TXK: variants seen among roughly 807,000 people sequenced by gnomAD.
TXK encodes the protein TXK tyrosine kinase, also known as tyrosine-protein kinase TXK.
TXK carries 60 observed loss-of-function variants against 81.0 expected under a neutral mutation model. The observed-to-expected ratio is 0.74, with a 90% CI of 0.60 to 0.92. The LOEUF is 0.92. Among genes scored for constraint, TXK ranks in the 40% least tolerant of loss-of-function variants. TXK has a pLI of 0.00. For synonymous variants in TXK, 203 were observed against 210.7 expected (o/e 0.96, Z 0.32); for missense variants, 581 against 638.3 (o/e 0.91, Z 0.97).
intron 2 of TXK, among the ~76,000 whole-genome samples, chr4:48,113,699 G>A: frequency 6.6e-6 from 1 of 152,072 alleles, no homozygotes; most frequent in Middle Eastern, 3.2e-3. Flanking sequence ...AATAGACATG[G>A]TATAGTGATT....
chr4:48,098,156 G>A (rs868645105), intron 6 of TXK, among the ~76,000 whole-genome samples: 2 of 152,060 alleles, frequency 1.3e-5, no homozygotes, highest in African/African-American at 4.8e-5. Flanking sequence ...GACATGAAAA[G>A]AAGAAAAACT....
chr4:48,097,422 C>CTT (rs4031383), intron 6 of TXK, among the ~76,000 whole-genome samples: 78,240 of 141,698 alleles, frequency 0.55, 22,649 homozygotes, highest in Admixed American at 0.65. Flanking sequence ...AAAGCTACCA[C>CTT]TTTTTTTTTT....
chr4:48,122,369 A>G (rs1718983671), intron 1 of TXK, among the ~76,000 whole-genome samples: 1 of 152,144 alleles, frequency 6.6e-6, no homozygotes, highest in Admixed American at 6.5e-5. Flanking sequence ...TGTTTTTTCC[A>G]GAGCACTCCT....
chr4:48,092,744 G>C (rs1717825665), intron 8 of TXK, among the ~76,000 whole-genome samples: 2 of 152,218 alleles, frequency 1.3e-5, no homozygotes, highest in African/African-American at 4.8e-5. Context: ...GTGGATGGCA[G>C]GTAAGGGCAA....
At chr4:48,087,373 C>T (rs1176337932) in intron 9 of TXK, among the ~76,000 whole-genome samples, 2 of 151,874 alleles carry the variant, frequency 1.3e-5, no homozygotes, top group Non-Finnish European at 2.9e-5. Flanking sequence ...TCTGATAGTC[C>T]CTTCTACCAG....
At chr4:48,129,463 G>A (rs995492001) in intron 1 of TXK, among the ~76,000 whole-genome samples, 2 of 152,156 alleles carry the variant, frequency 1.3e-5, no homozygotes, top group African/African-American at 4.8e-5. Context: ...TGATCAATTT[G>A]AGTGGAAGAG....
At chr4:48,091,109 G>T (rs1383799482) in intron 8 of TXK, among the ~76,000 whole-genome samples, 2 of 152,214 alleles carry the variant, frequency 1.3e-5, no homozygotes, top group African/African-American at 4.8e-5. Flanking sequence ...CCATTCTAAT[G>T]TGAAAGGAAT....
intron 8 of TXK, among the ~76,000 whole-genome samples, chr4:48,092,423 T>G (rs1717812273): frequency 6.6e-6 from 1 of 152,028 alleles, no homozygotes; most frequent in African/African-American, 2.4e-5. Flanking sequence ...CCTGAACACA[T>G]GAGAACTAGA....
rs764233110 is a variant in TXK, at chr4:48,094,839, CAA to C, written c.581+302_581+303del. Reference sequence around the variant, plus strand: ...ACAGACACAGGAAGCTTTCTGAGTGCAAGAGACTTTTCTGCAAGTGAATCCCA... The same window carrying C: ...ACAGACACAGGAAGCTTTCTGAGTGCGAGACTTTTCTGCAAGTGAATCCCA... On this transcript the variant is annotated intron_variant, in intron 7 of 14. Transcript: ENST00000264316. Among the ~76,000 whole-genome samples, 13 of 152,292 alleles carry C rather than the reference CAA, an allele frequency of 8.5e-5. No individual in the cohort carries two copies. In the East Asian group the frequency reaches 2.3e-3, roughly 27 times the overall value.
chr4:48,099,305 G>T (rs1270737219), intron 6 of TXK, among the ~76,000 whole-genome samples: 1 of 152,130 alleles, frequency 6.6e-6, no homozygotes, highest in Non-Finnish European at 1.5e-5. Flanking sequence ...ATGTGCAAAA[G>T]TTGTACAAAG....
At chr4:48,102,400 A>C (rs1046746199) in intron 6 of TXK, among the ~76,000 whole-genome samples, 1 of 152,238 alleles carries the variant, frequency 6.6e-6, no homozygotes, top group Non-Finnish European at 1.5e-5. Context: ...CTTCAAAAGT[A>C]ACTCAGTTGC....
At chr4:48,084,865 AGAATGGGTCCAGTTAATC>A (rs1455184286) in intron 10 of TXK, among the ~76,000 whole-genome samples, 1 of 152,202 alleles carries the variant, frequency 6.6e-6, no homozygotes, top group East Asian at 1.9e-4. Flanking sequence ...CAGTTAATCG[AGAATGGGTCCAGTTAATC>A]GAGAATGGGT....
intron 1 of TXK, among the ~76,000 whole-genome samples, chr4:48,125,929 G>A (rs1225325812): frequency 1.3e-5 from 2 of 152,178 alleles, no homozygotes; most frequent in Non-Finnish European, 2.9e-5. Context: ...TGTGGGAGAG[G>A]CCCACTCACA....
At chr4:48,079,880 A>C (rs1479476904) in intron 11 of TXK, 32 bp downstream of exon 11, 2 of 118,392 alleles carry the variant, frequency 1.7e-5, no homozygotes, top group Non-Finnish European at 4.0e-5. Flanking sequence ...GGTATGATAC[A>C]AAAAAAAAAA....
In TXK at chr4:48,112,353, G is replaced by T. The variant is rs773324278; in HGVS notation, c.334C>A (p.Leu112Met). The T allele has an allele frequency of 1.2e-6, 2 of 1,614,058 alleles. No homozygotes were observed. Among genetic ancestry groups the T allele is most frequent in the African/African-American group, 2.7e-5 (2 of 74,930 alleles). ...CACCAGTGAGGATTGTATTTCTCCA[G>T]TATCAGGTATTCTTCTGCTCTCCTT... ...ALRRAEEYLI[L>M]EKYNPHWWKA... Residue 112 changes from leucine to methionine, a missense_variant, in exon 4 of 15, where the codon CTG (leucine) becomes ATG (methionine). Leu to Met is a conservative substitution (Grantham distance 15). Coordinates refer to ENST00000264316, the MANE Select transcript of TXK (RefSeq NM_003328.3).
intron 12 of TXK, among the ~76,000 whole-genome samples, chr4:48,075,725 C>T (rs951416605): frequency 6.6e-6 from 1 of 151,970 alleles, no homozygotes; most frequent in African/African-American, 2.4e-5. Flanking sequence ...GTTTGAATGG[C>T]CAGCCAAAGA....
intron 14 of TXK, among the ~76,000 whole-genome samples, chr4:48,070,181 A>T (rs747709214): frequency 2.0e-5 from 3 of 152,226 alleles, no homozygotes; most frequent in Admixed American, 6.5e-5. Context: ...TGTCAGCTGG[A>T]AAGAGACCAA....
In TXK at chr4:48,071,717, G is replaced by T. The variant is rs1433447284; in HGVS notation, c.1358-43C>A. The T allele has an allele frequency of 1.0e-5, 16 of 1,599,220 alleles. No homozygotes were observed. In the Admixed American group the frequency reaches 2.7e-4, roughly 27 times the overall value. On this transcript the variant is annotated intron_variant, in intron 13 of 14. Coordinates refer to ENST00000264316, the MANE Select transcript of TXK (RefSeq NM_003328.3). Reference sequence around the variant, plus strand: ...GGAAAACAAGGGGTTAGAGAGAAATGATTGCTTGGGAACTGAAAGAACAAT... The same window carrying T: ...GGAAAACAAGGGGTTAGAGAGAAATTATTGCTTGGGAACTGAAAGAACAAT...
chr4:48,087,410 AG>A (rs1354570414), intron 9 of TXK, among the ~76,000 whole-genome samples: 1 of 151,684 alleles, frequency 6.6e-6, no homozygotes, highest in African/African-American at 2.4e-5. Flanking sequence ...CCCTCCCTAT[AG>A]AAGGTATGTT....
Sources: allele counts gnomAD v4.1 joint callset (sites outside exome capture counted in the v4.1 genomes callset), GRCh38; gene constraint gnomAD v4.1.1; transcripts MANE v1.5; gene names NCBI Gene and HGNC (gene_info 2026-07-23, HGNC 2026-07-21).